LRP1B: variants seen among roughly 807,000 people sequenced by gnomAD.
The protein encoded by LRP1B is low-density lipoprotein receptor-related protein 1B.
A neutral mutation model predicts 556.6 loss-of-function variants in LRP1B; 217 were observed. The observed-to-expected ratio is 0.39, with a 90% confidence interval of 0.35 to 0.44. LRP1B has a LOEUF of 0.44. LRP1B is among the 20% of genes least tolerant of loss of function. The probability of loss-of-function intolerance (pLI) is 1.00; values close to 1 mark genes in which losing one functional copy is unlikely to be tolerated. For missense variants in LRP1B, 5,053 were observed against 5,620.8 expected (o/e 0.90, Z 3.23); for synonymous variants, 2,047 against 1,865.8 (o/e 1.10, Z -2.50).
chr2:141,684,921 A>T (rs1691241869), intron 2 of LRP1B, among the ~76,000 whole-genome samples: 1 of 152,074 alleles, frequency 6.6e-6, no homozygotes, highest in Non-Finnish European at 1.5e-5. Context: ...CTCAGGTACA[A>T]GCATACCTAT....
At position 141,087,450 on chromosome 2, in the gene LRP1B, A is replaced by G. The variant is rs558396419; in HGVS notation, c.1014-25177T>C. 1.0e-3 allele frequency among the ~76,000 whole-genome samples: 158 copies of G among 152,308 alleles called. 1 individual carries two copies. Among genetic ancestry groups the G allele is most frequent in the African/African-American group, 3.7e-3 (155 of 41,570 alleles). On this transcript the variant is annotated intron_variant, in intron 7 of 90. Coordinates refer to ENST00000389484, the MANE Select transcript of LRP1B (RefSeq NM_018557.3). ...TCAATATCTTAGTGCAAAATTTACAAGCATTTTTACGCAGATGGGGGCATA... is the reference window on the plus strand; with the variant it reads ...TCAATATCTTAGTGCAAAATTTACAGGCATTTTTACGCAGATGGGGGCATA...
intron 24 of LRP1B, among the ~76,000 whole-genome samples, chr2:140,884,236 T>A (rs767662887): frequency 2.6e-5 from 4 of 152,114 alleles, no homozygotes; most frequent in Non-Finnish European, 5.9e-5. Context: ...ATCTAGTAAA[T>A]CCTTTTGGTA....
chr2:141,458,802 C>T (rs1164886704), intron 3 of LRP1B, among the ~76,000 whole-genome samples: 2 of 152,166 alleles, frequency 1.3e-5, no homozygotes, highest in Admixed American at 6.5e-5. Context: ...AGTAATTCTA[C>T]AACATCAGTC....
chr2:140,789,512 C>T (rs1690031763), intron 32 of LRP1B, among the ~76,000 whole-genome samples: 1 of 150,104 alleles, frequency 6.7e-6, no homozygotes, highest in Non-Finnish European at 1.5e-5. Context: ...ATAGTGGGTA[C>T]ATTGTTCAGG....
intron 2 of LRP1B, among the ~76,000 whole-genome samples, chr2:141,695,372 C>T (rs1331765885): frequency 6.6e-6 from 1 of 151,914 alleles, no homozygotes; most frequent in Non-Finnish European, 1.5e-5. Context: ...ATATGCCTGA[C>T]CTACTTTAAA....
chr2:140,542,016 C>G (rs767947757), intron 43 of LRP1B, 45 bp from the exon 44 acceptor site: 2 of 1,330,800 alleles, frequency 1.5e-6, no homozygotes, highest in Admixed American at 3.9e-5. Context: ...AATATATAGA[C>G]ATTTATACGT....
chr2:140,509,082 A>AC (rs1553476924), intron 52 of LRP1B, among the ~76,000 whole-genome samples: 5,112 of 84,394 alleles, frequency 0.061, 113 homozygotes, highest in South Asian at 0.064. Flanking sequence ...ACACACACAC[A>AC]AACACACACA....
rs554156098 is a variant in LRP1B at position 141,549,866 on chromosome 2, A to G, written c.206-69333T>C. ...AAAAATTAGATGGGCGTGGTGGTGC[A>G]TGCCCATAATCCCAGCTACTCAGGA... On this transcript the variant is annotated intron_variant, in intron 2 of 90. Coordinates refer to ENST00000389484, the MANE Select transcript of LRP1B (RefSeq NM_018557.3). Among the ~76,000 whole-genome samples the G allele has an allele frequency of 2.0e-5, 3 of 152,182 alleles. No homozygotes were observed. The South Asian group carries it at 6.2e-4, about 32-fold the overall frequency.
intron 41 of LRP1B, among the ~76,000 whole-genome samples, chr2:140,630,820 C>T (rs1398845464): frequency 6.6e-6 from 1 of 152,186 alleles, no homozygotes; most frequent in African/African-American, 2.4e-5. Flanking sequence ...CCAGCTCCTT[C>T]TCCTCTAGCC....
At chr2:141,262,799 T>C (rs1684747098) in intron 3 of LRP1B, among the ~76,000 whole-genome samples, 1 of 152,152 alleles carries the variant, frequency 6.6e-6, no homozygotes, top group African/African-American at 2.4e-5. Context: ...TATGCTATTT[T>C]GATGACAGCA....
chr2:140,279,926 T>G (rs1409007604), intron 84 of LRP1B, among the ~76,000 whole-genome samples: 1 of 151,882 alleles, frequency 6.6e-6, no homozygotes, highest in Non-Finnish European at 1.5e-5. Flanking sequence ...GATAGATACA[T>G]ATTTTCTTAA....
intron 7 of LRP1B, among the ~76,000 whole-genome samples, chr2:141,103,738 T>A (rs1456140314): frequency 6.6e-6 from 1 of 151,504 alleles, no homozygotes; most frequent in East Asian, 1.9e-4. Flanking sequence ...ACCCCCTTTT[T>A]TAATAAAAAT....
intron 15 of LRP1B, among the ~76,000 whole-genome samples, chr2:141,003,884 G>C (rs563341730): frequency 1.3e-5 from 2 of 152,016 alleles, no homozygotes; most frequent in Non-Finnish European, 2.9e-5. Context: ...ATTATCACTG[G>C]TAGTAAAAAT....
chr2:140,914,924 A>T (rs999058282), intron 21 of LRP1B, among the ~76,000 whole-genome samples: 3 of 152,194 alleles, frequency 2.0e-5, no homozygotes, highest in Non-Finnish European at 4.4e-5. Context: ...TGTACATTCT[A>T]CCAGTTATTA....
intron 3 of LRP1B, among the ~76,000 whole-genome samples, chr2:141,345,371 T>C (rs967695908): frequency 6.6e-6 from 1 of 151,560 alleles, no homozygotes; most frequent in Admixed American, 6.6e-5. Flanking sequence ...TAATAAGGAC[T>C]TTTTTTTTCT....
intron 3 of LRP1B, among the ~76,000 whole-genome samples, chr2:141,387,390 G>T (rs6750408): frequency 0.049 from 7,376 of 152,030 alleles, 216 homozygotes; most frequent in South Asian, 0.08. Flanking sequence ...ATCAAAATTT[G>T]CTTCTTTAAA....
In LRP1B at chr2:142,130,783, G is replaced by T; in HGVS notation, c.-54C>A. ...TGGAGACTGCTCGGCGGCACCTTCG[G>T]CCCGGCGGCGGCGGCGGCGGCAGGG... On this transcript the variant is annotated 5_prime_UTR_variant, in exon 1 of 91. Transcript: ENST00000389484. 1 of 1,507,260 alleles carries T rather than the reference G, an allele frequency of 6.6e-7. No homozygotes were observed. The highest frequency in any genetic ancestry group is 9.1e-7 in the Non-Finnish European group (1 of 1,096,670). The allele number at this position is 1,507,260 out of a possible 1,614,324, so 93.4% of individuals were successfully genotyped here.
intron 35 of LRP1B, among the ~76,000 whole-genome samples, chr2:140,721,011 C>G (rs924319999): frequency 2.6e-5 from 4 of 151,980 alleles, no homozygotes; most frequent in Non-Finnish European, 4.4e-5. Context: ...TCTTCATCCC[C>G]CATTTTCCTC....
At chr2:141,946,073 C>T (rs1489224475) in intron 1 of LRP1B, among the ~76,000 whole-genome samples, 5 of 151,978 alleles carry the variant, frequency 3.3e-5, no homozygotes, top group Admixed American at 3.3e-4. Flanking sequence ...CGTAGGGGTA[C>T]CTATACTAGC....
Sources: allele counts gnomAD v4.1 joint callset (sites outside exome capture counted in the v4.1 genomes callset), GRCh38; gene constraint gnomAD v4.1.1; transcripts MANE v1.5; gene names NCBI Gene and HGNC (gene_info 2026-07-23, HGNC 2026-07-21).